GLT1D1: variants seen among roughly 807,000 people sequenced by gnomAD.
GLT1D1 encodes glycosyltransferase 1 domain-containing protein 1.
GLT1D1 carries 21 observed loss-of-function variants against 28.7 expected under a neutral mutation model. The ratio of observed to expected loss-of-function variants is 0.73; its 90% CI spans 0.52 to 1.05. The LOEUF is 1.05. Among genes scored for constraint, GLT1D1 ranks in the 50% least tolerant of loss-of-function variants. The probability of loss-of-function intolerance (pLI) is 0.00; values close to 1 mark genes in which losing one functional copy is unlikely to be tolerated. For synonymous variants in GLT1D1, 147 were observed against 124.8 expected, an observed-to-expected ratio of 1.18 and a Z score of -1.19; for missense variants, 343 against 330.6, an observed-to-expected ratio of 1.04 and a Z score of -0.29.
In GLT1D1 at chr12:128,957,619, A is replaced by G. The variant is rs1307498697; in HGVS notation, c.615A>G (p.Thr205=). Residue 205 remains threonine (T), a synonymous_variant, in exon 7 of 8, where the codon ACA becomes ACG. Coordinates refer to ENST00000281703, the MANE Select transcript of GLT1D1 (RefSeq NM_144669.3). ...CTGCCGTGGTGAAGCATGAAGTCAC[A>G]GGGCTACTGTTTTCCAATCCTCAGG... The G allele has an allele frequency of 6.2e-7, 1 of 1,612,800 alleles. No homozygotes were observed. The highest frequency in any genetic ancestry group is 1.1e-5 in the South Asian group (1 of 91,062).
At chr12:128,969,982 G>C (rs557169411) in intron 7 of GLT1D1, among the ~76,000 whole-genome samples, 1 of 152,164 alleles carries the variant, frequency 6.6e-6, no homozygotes, top group Non-Finnish European at 1.5e-5. Flanking sequence ...GCCTGTGTGC[G>C]CTTCCTGGAG....
chr12:128,908,402 CTCTT>C (rs140784750), intron 4 of GLT1D1, among the ~76,000 whole-genome samples: 10,972 of 145,548 alleles, frequency 0.075, 1,210 homozygotes, highest in African/African-American at 0.25. Flanking sequence ...CTCTCTCTCT[CTCTT>C]TCTTTCTTTC....
In GLT1D1 at chr12:128,983,337, C is replaced by G. The variant is rs1285385078; in HGVS notation, c.*247C>G. ...GGAGGTGCATGAGTGACTGGGTTGA[C>G]TGGGACAGGGAAAGGGGAACTGGTT... On this transcript the variant is annotated 3_prime_UTR_variant, in exon 8 of 8. Transcript: ENST00000281703. The surrounding 1 kb of genome is among the most constrained non-coding windows in gnomAD (Gnocchi z 4.7). 1 of 455,036 alleles carries G rather than the reference C, an allele frequency of 2.2e-6. No homozygotes were observed. Among genetic ancestry groups the G allele is most frequent in the South Asian group, 4.0e-5 (1 of 25,238 alleles). The allele number at this position is 455,036 out of a possible 1,614,324, so 28.2% of individuals were successfully genotyped here.
chr12:128,970,891 A>G (rs1484216849), intron 7 of GLT1D1, among the ~76,000 whole-genome samples: 2 of 152,202 alleles, frequency 1.3e-5, no homozygotes, highest in Non-Finnish European at 2.9e-5. Flanking sequence ...TTTACTCATC[A>G]GCTGTCCCTC....
intron 1 of GLT1D1, among the ~76,000 whole-genome samples, chr12:128,857,325 A>G (rs2135752012): frequency 6.6e-6 from 1 of 152,312 alleles, no homozygotes. Context: ...GACTTCAGCT[A>G]AACTGGAGTG....
chr12:128,874,043 G>GCCTC (rs1328548143), intron 1 of GLT1D1, among the ~76,000 whole-genome samples: 31 of 25,416 alleles, frequency 1.2e-3, no homozygotes, highest in African/African-American at 4.6e-3. Flanking sequence ...CTCCCTCCCT[G>GCCTC]CCTCCCTCCC....
At chr12:128,853,979 C>A (rs1362575519) in intron 1 of GLT1D1, among the ~76,000 whole-genome samples, 1 of 151,802 alleles carries the variant, frequency 6.6e-6, no homozygotes, top group African/African-American at 2.4e-5. Context: ...GAGCAGGATC[C>A]GCAGGGATGC....
At chr12:128,896,165 T>G (rs540872157) in intron 3 of GLT1D1, among the ~76,000 whole-genome samples, 1 of 152,060 alleles carries the variant, frequency 6.6e-6, no homozygotes, top group African/African-American at 2.4e-5. Flanking sequence ...AGGGCTTTTT[T>G]TGTCAAGGAG....
At chr12:128,917,855 C>A (rs1303547520) in intron 4 of GLT1D1, among the ~76,000 whole-genome samples, 1 of 152,138 alleles carries the variant, frequency 6.6e-6, no homozygotes, top group Non-Finnish European at 1.5e-5. Context: ...GAAATAAGAA[C>A]GCTTTTACCC....
intron 2 of GLT1D1, among the ~76,000 whole-genome samples, chr12:128,884,246 A>G (rs995427575): frequency 6.6e-6 from 1 of 152,202 alleles, no homozygotes; most frequent in African/African-American, 2.4e-5. Flanking sequence ...GTCGTTTGTA[A>G]CAACATGGAT....
intron 2 of GLT1D1, among the ~76,000 whole-genome samples, chr12:128,877,598 A>G (rs1956899713): frequency 6.6e-6 from 1 of 152,210 alleles, no homozygotes; most frequent in African/African-American, 2.4e-5. Flanking sequence ...ACTGAGTGGT[A>G]TAGTATGAAA....
At chr12:128,856,146 C>T (rs1050868096) in intron 1 of GLT1D1, among the ~76,000 whole-genome samples, 1 of 152,148 alleles carries the variant, frequency 6.6e-6, no homozygotes, top group African/African-American at 2.4e-5. Flanking sequence ...AGGGTAACTT[C>T]CTGGCATTTC....
intron 4 of GLT1D1, among the ~76,000 whole-genome samples, chr12:128,921,885 A>G (rs1201949647): frequency 6.6e-6 from 1 of 151,026 alleles, no homozygotes; most frequent in Non-Finnish European, 1.5e-5. Flanking sequence ...TCTGGATGCC[A>G]TCTTTGTAGA....
At chr12:128,954,941 G>T (rs761200992) in intron 6 of GLT1D1, among the ~76,000 whole-genome samples, 1 of 152,224 alleles carries the variant, frequency 6.6e-6, no homozygotes, top group Non-Finnish European at 1.5e-5. Flanking sequence ...GCAACAGAGT[G>T]AGACCCTGTC....
chr12:128,874,554 C>T (rs1422394182), intron 1 of GLT1D1, among the ~76,000 whole-genome samples: 2 of 146,404 alleles, frequency 1.4e-5, no homozygotes, highest in Non-Finnish European at 3.0e-5. Flanking sequence ...ACAGTCGTAG[C>T]TCACTCAGCC....
intron 6 of GLT1D1, among the ~76,000 whole-genome samples, chr12:128,953,972 C>G (rs1435857895): frequency 2.0e-5 from 3 of 152,096 alleles, no homozygotes; most frequent in African/African-American, 7.2e-5. Flanking sequence ...TCTTGAACTC[C>G]TGACCTCAGG....
rs1316274366 is a variant in GLT1D1 at position 128,943,184 on chromosome 12, G to T, written c.376-2142G>T. Among the ~76,000 whole-genome samples, 4 of 152,300 alleles carry T rather than the reference G, an allele frequency of 2.6e-5. No individual in the cohort carries two copies. The East Asian group carries it at 5.8e-4, about 22-fold the overall frequency. On this transcript the variant is annotated intron_variant, in intron 4 of 7. Coordinates refer to ENST00000281703, the MANE Select transcript of GLT1D1 (RefSeq NM_144669.3). ...AACTCCTTCAGGAAACTCACTTACT[G>T]GTCCTGGTTAACCTATTGTGTAAAG...
chr12:128,950,291 G>A (rs934581975), intron 6 of GLT1D1, among the ~76,000 whole-genome samples: 1 of 152,144 alleles, frequency 6.6e-6, no homozygotes, highest in African/African-American at 2.4e-5. Flanking sequence ...CTTATTCCAT[G>A]ATTGAACACT....
intron 5 of GLT1D1, among the ~76,000 whole-genome samples, chr12:128,947,076 C>G (rs756110977): frequency 3.9e-5 from 6 of 152,212 alleles, no homozygotes; most frequent in Non-Finnish European, 7.3e-5. Flanking sequence ...GTCTCTGACT[C>G]TTCTAGTCCT....
Sources: gnomAD v4.1 joint callset for allele counts (sites outside exome capture counted in the v4.1 genomes callset) on GRCh38, gnomAD v4.1.1 for gene constraint, Gnocchi (gnomAD v3.1) non-coding constraint, MANE v1.5 for transcripts, NCBI Gene and HGNC (gene_info 2026-07-23, HGNC 2026-07-21) for gene names.